The following CNTN4 variants were observed in gnomAD, a reference collection of about 807,000 sequenced individuals.
CNTN4 encodes the protein contactin 4, also known as contactin-4.
Under a neutral mutation model 122.5 loss-of-function variants are expected in CNTN4, and 77 were observed. The observed-to-expected ratio is 0.63, with a 90% CI of 0.52 to 0.76. The LOEUF is 0.76. CNTN4 is among the 30% of genes least tolerant of loss of function. The pLI is 0.00. For missense variants in CNTN4, 1,256 were observed against 1,259.1 expected (o/e 1.00, Z 0.04); for synonymous variants, 512 against 447.0 (o/e 1.15, Z -1.83).
rs186491711 is a variant in CNTN4, at chr3:3,053,958, G to A, written c.2963G>A (p.Arg988Gln). ...GGDGSSSEQI[R>Q]IPKISNAYAR... ...GATGGCAGCAGCAGTGAACAAATTCGAATTCCAAAGATATCAAGTGAGAAT... is the reference window on the plus strand; with the variant it reads ...GATGGCAGCAGCAGTGAACAAATTCAAATTCCAAAGATATCAAGTGAGAAT... The change falls in exon 24 of 25, where the codon CGA (arginine) becomes CAA (glutamine). Residue 988 changes from arginine (R) to glutamine (Q), a missense_variant. Physicochemically the swap from Arg to Gln is conservative, Grantham distance 43 (BLOSUM62 1). Transcript: ENST00000418658. The A allele has an allele frequency of 3.1e-6, 5 of 1,614,142 alleles. No homozygotes were observed. Among genetic ancestry groups the A allele is most frequent in the East Asian group, 4.5e-5 (2 of 44,874 alleles).
At chr3:2,872,407 C>CT (rs1365819694) in intron 8 of CNTN4, among the ~76,000 whole-genome samples, 2 of 151,812 alleles carry the variant, frequency 1.3e-5, no homozygotes, top group East Asian at 1.9e-4. Flanking sequence ...TAGCCTTTGC[C>CT]TTTTTTTCTG....
chr3:2,268,514 C>A (rs917237485), intron 2 of CNTN4, among the ~76,000 whole-genome samples: 16 of 152,028 alleles, frequency 1.1e-4, no homozygotes, highest in Non-Finnish European at 2.1e-4. Flanking sequence ...TTAATAGTAT[C>A]TGTTACATAA....
intron 3 of CNTN4, among the ~76,000 whole-genome samples, chr3:2,484,695 C>G (rs927437931): frequency 9.2e-5 from 14 of 152,214 alleles, no homozygotes; most frequent in Non-Finnish European, 1.6e-4. Context: ...ACATGCTGTG[C>G]TCTTGAACTG....
At chr3:2,764,874 AACTCAG>A (rs2090773399) in intron 6 of CNTN4, among the ~76,000 whole-genome samples, 1 of 152,170 alleles carries the variant, frequency 6.6e-6, no homozygotes, top group African/African-American at 2.4e-5. Flanking sequence ...CGAAGGAGAG[AACTCAG>A]ACATAAAAAA....
chr3:2,257,588 C>T (rs1228751126), intron 2 of CNTN4, among the ~76,000 whole-genome samples: 1 of 151,984 alleles, frequency 6.6e-6, no homozygotes, highest in African/African-American at 2.4e-5. Context: ...AAGAAATTTA[C>T]AAGAAAAAAG....
At chr3:2,346,492 A>T (rs1575425768) in intron 3 of CNTN4, among the ~76,000 whole-genome samples, 2 of 152,242 alleles carry the variant, frequency 1.3e-5, no homozygotes, top group South Asian at 4.1e-4. Flanking sequence ...TTTGCTCAAA[A>T]GTTCCTATTA....
At chr3:2,577,310 A>G (rs2079736129) in intron 4 of CNTN4, among the ~76,000 whole-genome samples, 2 of 152,182 alleles carry the variant, frequency 1.3e-5, no homozygotes, top group Admixed American at 6.5e-5. Flanking sequence ...TTTAACAGAG[A>G]TGATTGGAGA....
At chr3:2,858,126 C>A (rs1577071569) in intron 7 of CNTN4, among the ~76,000 whole-genome samples, 1 of 152,188 alleles carries the variant, frequency 6.6e-6, no homozygotes, top group Non-Finnish European at 1.5e-5. Flanking sequence ...CTTTGACAAT[C>A]ATTTGCCTGA....
chr3:3,001,183 T>C (rs1696004279), intron 14 of CNTN4, among the ~76,000 whole-genome samples: 2 of 152,144 alleles, frequency 1.3e-5, no homozygotes, highest in Non-Finnish European at 2.9e-5. Context: ...CTCAGGGACA[T>C]AGCAATAATG....
chr3:2,806,737 G>C (rs1295912295), intron 6 of CNTN4, among the ~76,000 whole-genome samples: 2 of 152,138 alleles, frequency 1.3e-5, no homozygotes, highest in Admixed American at 6.6e-5. Context: ...TTATAAATAA[G>C]AAAGTACCAA....
At chr3:2,626,096 G>T (rs935317797) in intron 4 of CNTN4, among the ~76,000 whole-genome samples, 4 of 152,150 alleles carry the variant, frequency 2.6e-5, no homozygotes, top group African/African-American at 9.7e-5. Context: ...CAGTTCTCTT[G>T]AGTTGCACAC....
At chr3:2,911,636 A>G (rs545233559) in intron 12 of CNTN4, among the ~76,000 whole-genome samples, 1 of 152,334 alleles carries the variant, frequency 6.6e-6, no homozygotes, top group Admixed American at 6.5e-5. Context: ...TTATTCTCAT[A>G]AAGACGCTCA....
intron 3 of CNTN4, among the ~76,000 whole-genome samples, chr3:2,462,003 G>T (rs1236381714): frequency 6.6e-6 from 1 of 152,100 alleles, no homozygotes; most frequent in Non-Finnish European, 1.5e-5. Flanking sequence ...GACATTTTTG[G>T]TTATCACAAC....
chr3:2,698,661 C>T lies in CNTN4; in HGVS notation c.56-37554C>T, dbSNP rs188099989. ...GTTGAAGTTACTTAGCTCCTGGCCTCATATCTATTTCATCATGCTATTTAG... is the reference window on the plus strand; with the variant it reads ...GTTGAAGTTACTTAGCTCCTGGCCTTATATCTATTTCATCATGCTATTTAG... On this transcript the variant is annotated intron_variant, in intron 4 of 24. Transcript: ENST00000418658. Among the ~76,000 whole-genome samples, 142 of 152,250 alleles carry T rather than the reference C, an allele frequency of 9.3e-4. 1 individual carries two copies. The highest frequency in any genetic ancestry group is 3.0e-3 in the African/African-American group (126 of 41,532).
intron 2 of CNTN4, among the ~76,000 whole-genome samples, chr3:2,139,150 G>A (rs991030779): frequency 1.8e-4 from 27 of 152,170 alleles, no homozygotes; most frequent in South Asian, 1.0e-3. Context: ...ATGGCAGAGC[G>A]TAGATCCTGG....
intron 3 of CNTN4, among the ~76,000 whole-genome samples, chr3:2,376,484 T>C (rs1239727144): frequency 6.6e-6 from 1 of 152,084 alleles, no homozygotes; most frequent in Admixed American, 6.5e-5. Context: ...GGCGGTAATA[T>C]TTGAAGTGGT....
intron 3 of CNTN4, among the ~76,000 whole-genome samples, chr3:2,371,023 T>C (rs1357260365): frequency 2.0e-5 from 3 of 152,194 alleles, no homozygotes; most frequent in Admixed American, 2.0e-4. Flanking sequence ...CGAGTGAGAA[T>C]TACAATGTGA....
intron 4 of CNTN4, among the ~76,000 whole-genome samples, chr3:2,704,648 G>C (rs1236103150): frequency 6.6e-6 from 1 of 152,148 alleles, no homozygotes; most frequent in Non-Finnish European, 1.5e-5. Context: ...TTCAAAAACA[G>C]ATTACTATTC....
intron 12 of CNTN4, among the ~76,000 whole-genome samples, chr3:2,918,900 G>C (rs1418520322): frequency 6.6e-6 from 1 of 152,206 alleles, no homozygotes; most frequent in Non-Finnish European, 1.5e-5. Flanking sequence ...AGCCTCATGA[G>C]ACGGGAATTT....
Sources: allele counts gnomAD v4.1 joint callset (sites outside exome capture counted in the v4.1 genomes callset), GRCh38; gene constraint gnomAD v4.1.1; transcripts MANE v1.5; gene names NCBI Gene and HGNC (gene_info 2026-07-23, HGNC 2026-07-21).